Variants in ROBO1 observed in about 807,000 individuals in gnomAD.
ROBO1 encodes the protein roundabout guidance receptor 1.
In ROBO1, 149 loss-of-function variants were observed where a neutral mutation model predicts 195.9. The observed-to-expected ratio is 0.76, with a 90% confidence interval of 0.67 to 0.87. The LOEUF is 0.87. ROBO1 is among the 40% of genes least tolerant of loss of function. The pLI, the probability that ROBO1 is intolerant of heterozygous loss-of-function variation, is 0.00. For missense variants in ROBO1, 1,933 were observed against 2,068.3 expected (o/e 0.93, Z 1.27); for synonymous variants, 816 against 733.2 (o/e 1.11, Z -1.82).
intron 4 of ROBO1, among the ~76,000 whole-genome samples, chr3:78,828,245 G>A (rs1226170860): frequency 6.6e-6 from 1 of 150,476 alleles, no homozygotes; most frequent in Admixed American, 6.6e-5. Flanking sequence ...TTTCACTGAT[G>A]TTGCATTTTT....
At chr3:79,386,654 C>T (rs777175667) in intron 2 of ROBO1, among the ~76,000 whole-genome samples, 5 of 152,048 alleles carry the variant, frequency 3.3e-5, no homozygotes, top group South Asian at 2.1e-4. Flanking sequence ...AGCCAGCAGA[C>T]GGTAAAATAC....
At position 78,606,827 on chromosome 3, in the gene ROBO1, G is replaced by A. The variant is rs367626947; in HGVS notation, c.4650C>T (p.Pro1550=). 1.2e-5 allele frequency: 19 copies of A among 1,613,654 alleles called. No homozygotes were observed. Among genetic ancestry groups the A allele is most frequent in the Non-Finnish European group, 1.6e-5 (19 of 1,179,854 alleles). The part of the protein sequence containing the change: ...VVDMRTNPGD[P]REAQEQQNDG... ...CATTTTGCTGTTCCTGTGCTTCTCT[G>A]GGATCACCTGGATTTGTTCGCATGT... The change falls in exon 29 of 31, where the codon CCC becomes CCT. Residue 1550 remains proline, a synonymous_variant. Transcript: ENST00000464233.
At chr3:79,479,082 C>T (rs1466548157) in intron 2 of ROBO1, among the ~76,000 whole-genome samples, 1 of 152,196 alleles carries the variant, frequency 6.6e-6, no homozygotes, top group African/African-American at 2.4e-5. Context: ...CCCTTTTTAG[C>T]ATAGGCTCTA....
At chr3:79,466,032 A>T (rs1473533006) in intron 2 of ROBO1, among the ~76,000 whole-genome samples, 4 of 138,390 alleles carry the variant, frequency 2.9e-5, no homozygotes, top group Non-Finnish European at 6.2e-5. Context: ...AATCTCCTTT[A>T]AAAAAAAAAA....
chr3:79,283,809 T>C (rs961364134), intron 2 of ROBO1, among the ~76,000 whole-genome samples: 5 of 151,486 alleles, frequency 3.3e-5, no homozygotes, highest in African/African-American at 7.3e-5. Flanking sequence ...GCCATTCTCC[T>C]GCCTCAGCCT....
chr3:79,328,630 A>T (rs955301995), intron 2 of ROBO1, among the ~76,000 whole-genome samples: 18 of 152,130 alleles, frequency 1.2e-4, no homozygotes, highest in South Asian at 4.1e-4. Context: ...TATATTTTTT[A>T]AAAAATTTCA....
At chr3:79,025,759 G>C (rs1308409640) in intron 3 of ROBO1, among the ~76,000 whole-genome samples, 1 of 152,122 alleles carries the variant, frequency 6.6e-6, no homozygotes, top group Non-Finnish European at 1.5e-5. Flanking sequence ...TTGGGTCCAA[G>C]AGATTGGGAG....
chr3:79,704,913 G>A (rs80032076), intron 1 of ROBO1, among the ~76,000 whole-genome samples: 218 of 151,948 alleles, frequency 1.4e-3, no homozygotes, highest in African/African-American at 5.0e-3. Context: ...CATTGTTGTC[G>A]TCTGCGTTTC....
rs145817061 is a variant in ROBO1 at position 79,226,427 on chromosome 3, A to G, written c.89-100888T>C. On this transcript the variant is annotated intron_variant, in intron 2 of 30. Coordinates refer to ENST00000464233, the MANE Select transcript of ROBO1 (RefSeq NM_002941.4). ...CACCAAGTCTTCTTTGAGCTCCTGT[A>G]AACAACTTCCATTTCTGTCTTCACC... 9.5e-4 allele frequency among the ~76,000 whole-genome samples: 145 copies of G among 152,274 alleles called. 3 individuals are homozygous for G. Among genetic ancestry groups the G allele is most frequent in the African/African-American group, 2.7e-3 (111 of 41,544 alleles).
chr3:79,377,736 T>G (rs1034563203), intron 2 of ROBO1, among the ~76,000 whole-genome samples: 13 of 152,202 alleles, frequency 8.5e-5, no homozygotes, highest in Non-Finnish European at 1.5e-5. Context: ...TCCTGCTGTA[T>G]CTCTCTAGCT....
chr3:79,000,914 G>A (rs528624472), intron 3 of ROBO1, among the ~76,000 whole-genome samples: 237 of 152,172 alleles, frequency 1.6e-3, no homozygotes, highest in African/African-American at 5.5e-3. Context: ...AATGTGGCAC[G>A]TATACACCAT....
chr3:79,469,454 G>T (rs1244349843), intron 2 of ROBO1, among the ~76,000 whole-genome samples: 1 of 152,114 alleles, frequency 6.6e-6, no homozygotes, highest in Non-Finnish European at 1.5e-5. Context: ...CTATGGGTTT[G>T]CCTTTAAAAT....
At chr3:78,850,931 T>C (rs1366064861) in intron 4 of ROBO1, among the ~76,000 whole-genome samples, 2 of 151,916 alleles carry the variant, frequency 1.3e-5, no homozygotes, top group Admixed American at 6.6e-5. Flanking sequence ...CTCAGCCTCC[T>C]GAGTAGCTGG....
chr3:79,508,579 C>T (rs1387669425), intron 2 of ROBO1, among the ~76,000 whole-genome samples: 1 of 152,106 alleles, frequency 6.6e-6, no homozygotes, highest in Non-Finnish European at 1.5e-5. Context: ...TAAATAAAAG[C>T]AATTTCCACC....
chr3:79,537,115 T>A (rs1049061003), intron 2 of ROBO1, among the ~76,000 whole-genome samples: 4 of 150,626 alleles, frequency 2.7e-5, no homozygotes, highest in Admixed American at 6.6e-5. Context: ...CTTTTTTTAT[T>A]TTTTTTTTGA....
chr3:79,592,014 C>T (rs551958074), intron 1 of ROBO1, among the ~76,000 whole-genome samples: 1 of 151,678 alleles, frequency 6.6e-6, no homozygotes, highest in Admixed American at 6.6e-5. Flanking sequence ...AATCTCAAGG[C>T]TATTTAGAAC....
In ROBO1 at chr3:78,662,088, C is replaced by T; in HGVS notation, c.1993G>A (p.Asp665Asn). 6.4e-7 allele frequency: 1 copy of T among 1,569,216 alleles called. No homozygotes were observed. Among genetic ancestry groups the T allele is most frequent in the East Asian group, 2.3e-5 (1 of 42,806 alleles). Residue 665 changes from aspartate (D) to asparagine (N), a missense_variant, in exon 15 of 31, where the codon GAC becomes AAC. Around this residue, in one of 3 missense-constraint regions of ROBO1, gnomAD observed 1,737 missense variants for 1,882.5 expected, o/e 0.92. Transcript: ENST00000464233. ...QDVLPTSQGV[D>N]HKQVQRELGN... is the part of the protein sequence containing the mutation. ...AGCTCTCTCTGGACCTGCTTGTGGT[C>T]CACCCCCTGACTTGTTGGTAGGACA... is the stretch of plus-strand genomic sequence containing the variant.
rs562215317 is a variant in ROBO1 at position 79,681,288 on chromosome 3, G to A, written c.-51+86464C>T. Among the ~76,000 whole-genome samples the A allele has an allele frequency of 8.5e-5, 13 of 152,054 alleles. No individual in the cohort carries two copies. In the South Asian group the frequency reaches 2.5e-3, roughly 29 times the overall value. On this transcript the variant is annotated intron_variant, in intron 1 of 30. Coordinates refer to ENST00000464233, the MANE Select transcript of ROBO1 (RefSeq NM_002941.4). Reference sequence around the variant, plus strand: ...TGGAGGATGCCTCCACTATTTCCAAGCTCTGGGATATGAGAGTTACAGAGC... The same window carrying A: ...TGGAGGATGCCTCCACTATTTCCAAACTCTGGGATATGAGAGTTACAGAGC...
chr3:79,458,302 C>T (rs2107241613), intron 2 of ROBO1, among the ~76,000 whole-genome samples: 1 of 152,200 alleles, frequency 6.6e-6, no homozygotes, highest in East Asian at 1.9e-4. Flanking sequence ...CTGGGTGTGG[C>T]AGTAAGGCAG....
Sources: allele counts gnomAD v4.1 joint callset (sites outside exome capture counted in the v4.1 genomes callset), GRCh38; gene constraint gnomAD v4.1.1; regional missense constraint gnomAD v4.1.1; transcripts MANE v1.5; gene names NCBI Gene and HGNC (gene_info 2026-07-23, HGNC 2026-07-21).